Variants in PARP8 observed in about 807,000 individuals in gnomAD.
The protein encoded by PARP8 is protein mono-ADP-ribosyltransferase PARP8.
Under a neutral mutation model 124.1 loss-of-function variants are expected in PARP8, and 51 were observed. That is an observed-to-expected ratio of 0.41 (90% CI 0.33 to 0.52). The LOEUF is 0.52. PARP8 is among the 20% of genes least tolerant of loss of function. PARP8 has a pLI of 0.21. For missense variants in PARP8, 860 were observed against 1,018.9 expected, an observed-to-expected ratio of 0.84 and a Z score of 2.12; for synonymous variants, 391 against 361.5, an observed-to-expected ratio of 1.08 and a Z score of -0.93.
intron 14 of PARP8, among the ~76,000 whole-genome samples, chr5:50,798,396 T>C (rs1742795629): frequency 6.6e-6 from 1 of 151,450 alleles, no homozygotes; most frequent in African/African-American, 2.4e-5. Context: ...GCCATGCTAG[T>C]ATGTGTGAAG....
At chr5:50,696,923 C>T (rs1753091253) in intron 2 of PARP8, among the ~76,000 whole-genome samples, 1 of 152,044 alleles carries the variant, frequency 6.6e-6, no homozygotes, top group African/African-American at 2.4e-5. Flanking sequence ...TCTTTTTCTC[C>T]TTTATGGTAG....
intron 14 of PARP8, among the ~76,000 whole-genome samples, chr5:50,805,125 G>A (rs558530755): frequency 6.6e-6 from 1 of 151,936 alleles, no homozygotes; most frequent in Non-Finnish European, 1.5e-5. Flanking sequence ...TGGAAGTTTG[G>A]GTTCCTCACT....
intron 7 of PARP8, among the ~76,000 whole-genome samples, chr5:50,769,107 T>C (rs752304316): frequency 6.6e-6 from 1 of 152,176 alleles, no homozygotes; most frequent in East Asian, 1.9e-4. Context: ...GGGAAGATAC[T>C]TTTAACCAAA....
At chr5:50,760,259 CATA>C in intron 4 of PARP8, 30 bp from the exon 5 acceptor site, 1 of 1,444,528 alleles carries the variant, frequency 6.9e-7, no homozygotes, top group Non-Finnish European at 9.4e-7. Context: ...TACTAAGTAT[CATA>C]ATATTTTTTA....
At chr5:50,734,983 A>G (rs1182161465) in intron 2 of PARP8, among the ~76,000 whole-genome samples, 1 of 152,138 alleles carries the variant, frequency 6.6e-6, no homozygotes, top group Non-Finnish European at 1.5e-5. Flanking sequence ...GCAGAATAAT[A>G]TATAGTTATA....
At chr5:50,796,283 G>A (rs570356787) in intron 12 of PARP8, among the ~76,000 whole-genome samples, 10 of 152,154 alleles carry the variant, frequency 6.6e-5, no homozygotes, top group African/African-American at 2.4e-4. Flanking sequence ...AGATGTTTCA[G>A]GAAAGTAATG....
At chr5:50,705,332 A>G (rs141303865) in intron 2 of PARP8, among the ~76,000 whole-genome samples, 32 of 152,322 alleles carry the variant, frequency 2.1e-4, no homozygotes, top group African/African-American at 7.0e-4. Context: ...GCAAAGAAAT[A>G]GGGATAGAAG....
At chr5:50,762,850 C>A (rs6450384) in intron 6 of PARP8, among the ~76,000 whole-genome samples, 71,498 of 151,994 alleles carry the variant, frequency 0.47, 18,805 homozygotes, top group African/African-American at 0.72. Context: ...GGGGAAGTAA[C>A]TGCTTTTCTT....
chr5:50,768,740 G>A (rs1267404635), intron 7 of PARP8, among the ~76,000 whole-genome samples: 1 of 152,056 alleles, frequency 6.6e-6, no homozygotes, highest in African/African-American at 2.4e-5. Flanking sequence ...TGAGATCCTG[G>A]GCCACTGAAA....
At chr5:50,820,393 G>A (rs1274160063) in intron 15 of PARP8, among the ~76,000 whole-genome samples, 2 of 152,320 alleles carry the variant, frequency 1.3e-5, no homozygotes. Flanking sequence ...CATTTAGGCA[G>A]TATCAGTTTT....
At chr5:50,759,616 C>G in intron 3 of PARP8, 27 bp from the exon 4 acceptor site, 1 of 1,375,240 alleles carries the variant, frequency 7.3e-7, no homozygotes, top group Non-Finnish European at 9.6e-7. Flanking sequence ...TTATGCCTTT[C>G]ATTATCTTTT....
At chr5:50,715,534 G>T (rs1255414579) in intron 2 of PARP8, among the ~76,000 whole-genome samples, 3 of 151,580 alleles carry the variant, frequency 2.0e-5, no homozygotes, top group Admixed American at 6.6e-5. Flanking sequence ...TGTGATTACT[G>T]CAAATAAAGA....
intron 14 of PARP8, among the ~76,000 whole-genome samples, chr5:50,802,641 C>G (rs1012092239): frequency 6.6e-5 from 10 of 152,058 alleles, no homozygotes; most frequent in African/African-American, 2.4e-4. Context: ...AAACTTTGCT[C>G]CTACATAGTT....
intron 2 of PARP8, among the ~76,000 whole-genome samples, chr5:50,699,908 A>G (rs1205224806): frequency 2.6e-5 from 4 of 152,170 alleles, no homozygotes; most frequent in African/African-American, 9.6e-5. Flanking sequence ...CACATTGTTG[A>G]CAGGATAACA....
Position 50,842,921 on chromosome 5 carries a change from C to T in PARP8, c.*853C>T, listed in dbSNP as rs765010671. 18 of 151,468 alleles carry T rather than the reference C, an allele frequency of 1.2e-4. No individual in the cohort carries two copies. The highest frequency in any genetic ancestry group is 1.9e-4 in the Non-Finnish European group (13 of 67,660). The allele number at this position is 151,468 out of a possible 1,614,324, so 9.4% of individuals were successfully genotyped here. Reference sequence around the variant, plus strand: ...GGGGAACATACATGGCCTGGTAGACCGAATCTATATTCAAATGATTATGTA... The same window carrying T: ...GGGGAACATACATGGCCTGGTAGACTGAATCTATATTCAAATGATTATGTA... On this transcript the variant is annotated 3_prime_UTR_variant, in exon 26 of 26. Transcript: ENST00000281631.
chr5:50,754,023 T>C (rs1301465522), intron 3 of PARP8, among the ~76,000 whole-genome samples: 1 of 145,506 alleles, frequency 6.9e-6, no homozygotes, highest in East Asian at 2.0e-4. Context: ...ACATTAAAAA[T>C]CTAACTGTCC....
intron 15 of PARP8, among the ~76,000 whole-genome samples, chr5:50,815,972 A>G (rs1270751500): frequency 6.6e-6 from 1 of 151,724 alleles, no homozygotes; most frequent in East Asian, 1.9e-4. Flanking sequence ...AAGAAAAGCA[A>G]TTCCATCAAA....
intron 2 of PARP8, among the ~76,000 whole-genome samples, chr5:50,740,743 G>T (rs1757958458): frequency 6.6e-6 from 1 of 151,652 alleles, no homozygotes; most frequent in Non-Finnish European, 1.5e-5. Flanking sequence ...TTGCCAGGAA[G>T]TCGAGGCTGC....
At chr5:50,747,781 TTTTTTTTTTG>T (rs1758763319) in intron 2 of PARP8, among the ~76,000 whole-genome samples, 2 of 132,834 alleles carry the variant, frequency 1.5e-5, no homozygotes, top group Admixed American at 7.5e-5. Context: ...TTTTTTTTTT[TTTTTTTTTTG>T]AGACGGAGTC....
Sources: gnomAD v4.1 joint callset for allele counts (sites outside exome capture counted in the v4.1 genomes callset) on GRCh38, gnomAD v4.1.1 for gene constraint, MANE v1.5 for transcripts, NCBI Gene and HGNC (gene_info 2026-07-23, HGNC 2026-07-21) for gene names.